EFCAB6: variants seen among roughly 807,000 people sequenced by gnomAD.
The protein encoded by EFCAB6 is EF-hand calcium-binding domain-containing protein 6.
A neutral mutation model predicts 169.8 loss-of-function variants in EFCAB6; 156 were observed. That is an observed-to-expected ratio of 0.92 (90% CI 0.81 to 1.05). EFCAB6 has a LOEUF of 1.05. Among genes scored for constraint, EFCAB6 ranks in the 50% least tolerant of loss-of-function variants. EFCAB6 has a pLI of 0.00. For missense variants in EFCAB6, 1,800 were observed against 1,829.1 expected (o/e 0.98, Z 0.29); for synonymous variants, 698 against 676.4 (o/e 1.03, Z -0.50).
chr22:43,760,655 ATTT>A (rs71188411), intron 5 of EFCAB6, among the ~76,000 whole-genome samples: 1 of 138,988 alleles, frequency 7.2e-6, no homozygotes, highest in Non-Finnish European at 1.5e-5. Flanking sequence ...GAGTAGGTGC[ATTT>A]TTTTTTTTTT....
At chr22:43,658,577 C>A (rs2148128475) in intron 17 of EFCAB6, among the ~76,000 whole-genome samples, 1 of 152,262 alleles carries the variant, frequency 6.6e-6, no homozygotes, top group South Asian at 2.1e-4. Flanking sequence ...GAGAAAGGCC[C>A]TGAGAATACA....
At chr22:43,660,506 G>T (rs1179997346) in intron 17 of EFCAB6, among the ~76,000 whole-genome samples, 1 of 151,014 alleles carries the variant, frequency 6.6e-6, no homozygotes, top group Admixed American at 6.6e-5. Context: ...CCCAATTTTT[G>T]TATATAGATA....
At chr22:43,734,048 C>T (rs1037660730) in intron 7 of EFCAB6, among the ~76,000 whole-genome samples, 1 of 152,016 alleles carries the variant, frequency 6.6e-6, no homozygotes, top group East Asian at 1.9e-4. Flanking sequence ...TTGACAAGGC[C>T]CAGGAGCTAC....
chr22:43,664,368 A>G (rs2057145690), intron 17 of EFCAB6, among the ~76,000 whole-genome samples: 1 of 152,212 alleles, frequency 6.6e-6, no homozygotes. Flanking sequence ...GGGGAGCAGC[A>G]CTACACAAAA....
At chr22:43,535,714 C>T (rs931128845) in intron 29 of EFCAB6, 1 of 152,208 alleles carries the variant, frequency 6.6e-6, no homozygotes. Flanking sequence ...CCTGAAAGAA[C>T]AGAATGTCAG....
rs146216643 is a variant in EFCAB6 at position 43,635,190 on chromosome 22, C to A, written c.2010G>T (p.Met670Ile). ...TCAGCAGGGCATACTGATCATCGTC[C>A]ATGGGCATCCCAGTGTCTTCCAGTA... Reference protein sequence around the residue: ...KKVLEDTGMPMDDDQYALLTT... With the variant: ...KKVLEDTGMPIDDDQYALLTT... The change falls in exon 18 of 32, where the codon ATG (methionine) becomes ATT (isoleucine). Residue 670 changes from methionine to isoleucine, a missense_variant. Met to Ile is a conservative substitution (Grantham distance 10). Transcript: ENST00000262726. The A allele has an allele frequency of 6.2e-7, 1 of 1,614,040 alleles. No individual in the cohort carries two copies. Among genetic ancestry groups the A allele is most frequent in the Admixed American group, 1.7e-5 (1 of 60,000 alleles).
At chr22:43,683,108 G>A (rs559372401) in intron 12 of EFCAB6, among the ~76,000 whole-genome samples, 29 of 152,288 alleles carry the variant, frequency 1.9e-4, no homozygotes, top group Admixed American at 9.8e-4. Flanking sequence ...TCCTGTGTGA[G>A]TCTCAGAAAC....
intron 13 of EFCAB6, among the ~76,000 whole-genome samples, chr22:43,677,749 G>A (rs1569367423): frequency 6.6e-6 from 1 of 152,126 alleles, no homozygotes; most frequent in Admixed American, 6.5e-5. Flanking sequence ...GTTACATCCT[G>A]TATATAAAGG....
intron 29 of EFCAB6, 80 bp from the exon 30 acceptor site, chr22:43,534,952 A>G: frequency 3.4e-6 from 5 of 1,451,194 alleles, no homozygotes; most frequent in Non-Finnish European, 4.7e-6. Flanking sequence ...ACACTTGCTG[A>G]GACACCTTCT....
At chr22:43,723,786 C>T (rs1275168678) in intron 8 of EFCAB6, among the ~76,000 whole-genome samples, 1 of 152,222 alleles carries the variant, frequency 6.6e-6, no homozygotes, top group Admixed American at 6.5e-5. Flanking sequence ...ACAGCTTGTA[C>T]TTTTCAGAGG....
intron 5 of EFCAB6, among the ~76,000 whole-genome samples, chr22:43,763,427 G>A (rs920089787): frequency 6.6e-6 from 1 of 151,968 alleles, no homozygotes; most frequent in Non-Finnish European, 1.5e-5. Context: ...TATTCACATT[G>A]TTGTGCAAAA....
chr22:43,754,510 T>G (rs2060885514), intron 6 of EFCAB6, among the ~76,000 whole-genome samples: 1 of 152,328 alleles, frequency 6.6e-6, no homozygotes, highest in Middle Eastern at 3.4e-3. Context: ...ACCTTTTCCC[T>G]TCACCTGTTT....
chr22:43,566,791 C>T (rs557261471), intron 26 of EFCAB6, among the ~76,000 whole-genome samples: 13 of 152,176 alleles, frequency 8.5e-5, no homozygotes, highest in Non-Finnish European at 1.9e-4. Flanking sequence ...AAACCCCTAC[C>T]CCTGGAAAAG....
intron 24 of EFCAB6, among the ~76,000 whole-genome samples, chr22:43,583,149 T>C (rs1421201499): frequency 2.6e-5 from 4 of 152,064 alleles, no homozygotes; most frequent in African/African-American, 4.8e-5. Flanking sequence ...GAATGTGGAA[T>C]AGCCCCTCCC....
chr22:43,735,804 A>G (rs1346426891), intron 7 of EFCAB6, 53 bp downstream of exon 7: 12 of 1,596,532 alleles, frequency 7.5e-6, no homozygotes, highest in Middle Eastern at 1.7e-4. Context: ...CTCATTCTGA[A>G]ATTGGTTAAA....
In EFCAB6 at chr22:43,650,747, C is replaced by T. The variant is rs113720100; in HGVS notation, c.1984-15531G>A. Among the ~76,000 whole-genome samples the T allele has an allele frequency of 5.2e-3, 784 of 152,202 alleles. 9 individuals are homozygous for T. Among genetic ancestry groups the T allele is most frequent in the African/African-American group, 0.018 (761 of 41,518 alleles). On this transcript the variant is annotated intron_variant, in intron 17 of 31. Transcript: ENST00000262726. ...CTAATAGTAATATGAACAATAAGGT[C>T]CAGGCTGAGGGGGTCTCAGATGGAG...
At chr22:43,529,080 C>G in intron 31 of EFCAB6, 105 bp from the exon 32 acceptor site, 1 of 1,306,392 alleles carries the variant, frequency 7.7e-7, no homozygotes, top group South Asian at 1.7e-5. Flanking sequence ...GATCCCCAAC[C>G]CCACTTCCGA....
intron 21 of EFCAB6, among the ~76,000 whole-genome samples, chr22:43,609,825 C>T (rs1362546328): frequency 6.6e-6 from 1 of 152,172 alleles, no homozygotes; most frequent in East Asian, 1.9e-4. Flanking sequence ...ATCACGACAA[C>T]AAAGATGTGA....
intron 17 of EFCAB6, among the ~76,000 whole-genome samples, 194 bp downstream of exon 17, chr22:43,666,910 T>C (rs2057286799): frequency 6.6e-6 from 1 of 152,038 alleles, no homozygotes; most frequent in Non-Finnish European, 1.5e-5. Context: ...CACATCCATA[T>C]TGAAAGTATT....
Sources: gnomAD v4.1 joint callset for allele counts (sites outside exome capture counted in the v4.1 genomes callset) on GRCh38, gnomAD v4.1.1 for gene constraint, MANE v1.5 for transcripts, NCBI Gene and HGNC (gene_info 2026-07-23, HGNC 2026-07-21) for gene names.